Variants in TTLL8 observed in about 807,000 individuals in gnomAD.
The protein encoded by TTLL8 is protein monoglycylase TTLL8.
In TTLL8, 65 loss-of-function variants were observed where a neutral mutation model predicts 77.8. That is an observed-to-expected ratio of 0.84 (90% CI 0.68 to 1.03). The LOEUF is 1.03. Among genes scored for constraint, TTLL8 ranks in the 50% least tolerant of loss-of-function variants. The probability of loss-of-function intolerance (pLI) is 0.00; values close to 1 mark genes in which losing one functional copy is unlikely to be tolerated. For synonymous variants in TTLL8, 402 were observed against 422.8 expected, an observed-to-expected ratio of 0.95 and a Z score of 0.60; for missense variants, 910 against 1,004.5, an observed-to-expected ratio of 0.91 and a Z score of 1.27.
chr22:50,023,294 G>A (rs888657913), intron 12 of TTLL8, among the ~76,000 whole-genome samples: 36 of 152,286 alleles, frequency 2.4e-4, no homozygotes, highest in Non-Finnish European at 3.8e-4. Flanking sequence ...ATCATGTGCA[G>A]GGATCAGAAG....
At chr22:50,025,975 T>C (rs1034877025) in intron 12 of TTLL8, among the ~76,000 whole-genome samples, 1 of 152,158 alleles carries the variant, frequency 6.6e-6, no homozygotes, top group East Asian at 1.9e-4. Context: ...GGGAAGTTTC[T>C]TCTAAAGCAA....
rs577370733 is a variant in TTLL8 at position 50,026,272 on chromosome 22, T to C, written c.2203+4158A>G. 3.1e-3 allele frequency among the ~76,000 whole-genome samples: 477 copies of C among 151,978 alleles called. 5 individuals carry two copies. The highest frequency in any genetic ancestry group is 0.011 in the African/African-American group (461 of 41,378). ...TCAGACACGGAAATACACCCGCCAC[T>C]CTGCACAGCCGCCACCCTGCACAGC... is the stretch of plus-strand genomic sequence containing the variant. On this transcript the variant is annotated intron_variant, in intron 12 of 13. Coordinates refer to ENST00000266182, the Ensembl canonical transcript of TTLL8.
At chr22:50,047,519 G>T (rs888832862) in intron 3 of TTLL8, among the ~76,000 whole-genome samples, 14 of 152,182 alleles carry the variant, frequency 9.2e-5, no homozygotes, top group Non-Finnish European at 1.9e-4. Flanking sequence ...GGGCTCTGGG[G>T]GGCCACCCCG....
intron 12 of TTLL8, among the ~76,000 whole-genome samples, chr22:50,020,138 G>C (rs2061185971): frequency 6.6e-6 from 1 of 152,168 alleles, no homozygotes; most frequent in African/African-American, 2.4e-5. Flanking sequence ...AACAATTTCA[G>C]AATTACATAT....
intron 2 of TTLL8, 151 bp downstream of exon 4, chr22:50,049,958 C>T (rs2061434938): frequency 1.2e-5 from 12 of 1,030,264 alleles, no homozygotes; most frequent in African/African-American, 3.4e-5. Context: ...GGCAGGGAGG[C>T]CAGGAGGGTG....
upstream of TTLL8, among the ~76,000 whole-genome samples, chr22:50,057,553 G>GGGTCAGGTCTGGATTGT (rs2061486551): frequency 3.7e-5 from 3 of 81,080 alleles, 1 homozygote; most frequent in Non-Finnish European, 6.7e-5. Flanking sequence ...GTCTGGGTTG[G>GGGTCAGGTCTGGATTGT]GGGTCAGGTC....
upstream of TTLL8, among the ~76,000 whole-genome samples, chr22:50,057,295 GT>G (rs1194752008): frequency 2.0e-4 from 28 of 142,722 alleles, 1 homozygote; most frequent in African/African-American, 5.4e-4. Context: ...TCAGGTCTGG[GT>G]TTGGGGGTCA....
At chr22:50,057,481 T>A (rs939686807), upstream of TTLL8, among the ~76,000 whole-genome samples, 3 of 6,400 alleles carry the variant, frequency 4.7e-4, no homozygotes, top group African/African-American at 6.4e-4. Flanking sequence ...GTCTGGATTG[T>A]GGGTCAGGTC....
At chr22:50,056,738 G>C, upstream of TTLL8, 1 of 1,270,976 alleles carries the variant, frequency 7.9e-7, no homozygotes, top group Non-Finnish European at 1.0e-6. The surrounding 1 kb of genome is among the most constrained non-coding windows in gnomAD (Gnocchi z 4.1). Flanking sequence ...AAGGCGCCTG[G>C]TTCTGCAGCT....
rs1293168801 is a variant in TTLL8, at chr22:50,034,324, C to T, written c.1039+21G>A. ...GTGTGGCCGTTGGTGGCTATGAACG[C>T]GGTGCAGGGAGCATCCGCACCAGGG... On this transcript the variant is annotated intron_variant, in intron 9 of 13. Transcript: ENST00000266182. The surrounding 1 kb of genome is among the most constrained non-coding windows in gnomAD (Gnocchi z 4.1). 3.0e-6 allele frequency: 4 copies of T among 1,351,538 alleles called. No homozygotes were observed. The highest frequency in any genetic ancestry group is 2.3e-5 in the South Asian group (2 of 87,080). 83.7% of individuals were successfully genotyped at this position (1,351,538 alleles called of 1,614,324 possible).
chr22:50,028,357 C>T (rs909591939), intron 12 of TTLL8, among the ~76,000 whole-genome samples: 40 of 152,346 alleles, frequency 2.6e-4, no homozygotes, highest in African/African-American at 8.2e-4. Flanking sequence ...AGGCAGACCA[C>T]GTGGGGACTG....
At chr22:50,049,672 G>C (rs1341724549) in intron 2 of TTLL8, among the ~76,000 whole-genome samples, 1 of 152,178 alleles carries the variant, frequency 6.6e-6, no homozygotes, top group African/African-American at 2.4e-5. Flanking sequence ...CCACAGGCAG[G>C]GGTGGAGGAG....
At chr22:50,051,063 T>A (rs2061441503) in intron 1 of TTLL8, among the ~76,000 whole-genome samples, 1 of 152,230 alleles carries the variant, frequency 6.6e-6, no homozygotes, top group Admixed American at 6.5e-5. Context: ...GGTTTCATCA[T>A]GTTGGCCAGG....
At chr22:50,020,784 C>G in intron 12 of TTLL8, among the ~76,000 whole-genome samples, 1 of 149,132 alleles carries the variant, frequency 6.7e-6, no homozygotes, top group Non-Finnish European at 1.5e-5. Context: ...ATCTGACGTG[C>G]ACTCCGCCAT....
chr22:50,040,748 G>A (rs2061365462), intron 8 of TTLL8, among the ~76,000 whole-genome samples: 1 of 152,224 alleles, frequency 6.6e-6, no homozygotes, highest in African/African-American at 2.4e-5. Context: ...ACACCACCCT[G>A]GGATGAAGCA....
intron 8 of TTLL8, among the ~76,000 whole-genome samples, chr22:50,037,045 TA>T (rs2061341806): frequency 6.6e-6 from 1 of 152,162 alleles, no homozygotes; most frequent in Non-Finnish European, 1.5e-5. Context: ...CTTGCATAAA[TA>T]CCTTGGAATG....
rs935891187 is a variant in TTLL8, at chr22:50,034,018, A to C, written c.1039+327T>G. On this transcript the variant is annotated intron_variant, in intron 9 of 13. Transcript: ENST00000266182. This position sits in a 1 kb window ranked among gnomAD's most constrained non-coding sequence, Gnocchi z 4.1. Reference sequence around the variant, plus strand: ...ACTGCACTTCAGCCTGGGCAACAAGAGTGAAACTCCGTTTCAAAAAACTAA... The same window carrying C: ...ACTGCACTTCAGCCTGGGCAACAAGCGTGAAACTCCGTTTCAAAAAACTAA... 6.6e-6 allele frequency among the ~76,000 whole-genome samples: 1 copy of C among 152,252 alleles called. No homozygotes were observed.
At chr22:50,055,264 T>C (rs188314775), upstream of TTLL8, 3,242 of 1,290,130 alleles carry the variant, frequency 2.5e-3, 3 homozygotes, top group Non-Finnish European at 2.9e-3. Flanking sequence ...ACTGCCTTGC[T>C]ATTTTGTATC....
At chr22:50,053,191 T>C (rs1238885939) in intron 1 of TTLL8, among the ~76,000 whole-genome samples, 1 of 140,948 alleles carries the variant, frequency 7.1e-6, no homozygotes, top group South Asian at 2.2e-4. Flanking sequence ...CACTGCACTC[T>C]AGCATGGGTG....
Sources: allele counts gnomAD v4.1 joint callset (sites outside exome capture counted in the v4.1 genomes callset), GRCh38; gene constraint gnomAD v4.1.1; non-coding constraint Gnocchi (gnomAD v3.1); transcripts MANE v1.5; gene names NCBI Gene and HGNC (gene_info 2026-07-23, HGNC 2026-07-21).